Variants in SRGAP3 observed in about 807,000 individuals in gnomAD.
The protein encoded by SRGAP3 is SLIT-ROBO Rho GTPase-activating protein 3.
A neutral mutation model predicts 121.1 loss-of-function variants in SRGAP3; 39 were observed. The observed-to-expected ratio is 0.32, with a 90% CI of 0.25 to 0.42. The LOEUF (loss-of-function observed/expected upper bound fraction) is 0.42, where lower values mean the gene tolerates loss of function less well. SRGAP3 is among the 10% of genes least tolerant of loss of function. The pLI, the probability that SRGAP3 is intolerant of heterozygous loss-of-function variation, is 1.00. For missense variants in SRGAP3, 1,213 were observed against 1,470.6 expected (o/e 0.82, Z 2.86); for synonymous variants, 601 against 570.0 (o/e 1.05, Z -0.77).
chr3:9,046,862 G>A (rs1217741171), intron 10 of SRGAP3, among the ~76,000 whole-genome samples: 1 of 150,062 alleles, frequency 6.7e-6, no homozygotes, highest in Non-Finnish European at 1.5e-5. Flanking sequence ...ATGGAGTCTC[G>A]CTCTGTCGCC....
At chr3:9,255,479 T>A (rs1302245430) in intron 3 of SRGAP3, among the ~76,000 whole-genome samples, 1 of 152,200 alleles carries the variant, frequency 6.6e-6, no homozygotes, top group East Asian at 1.9e-4. Context: ...AGGTTGGCAA[T>A]CCTGGCAAGG....
chr3:9,061,583 CT>C (rs1276991505), intron 5 of SRGAP3, among the ~76,000 whole-genome samples: 1 of 152,152 alleles, frequency 6.6e-6, no homozygotes, highest in Non-Finnish European at 1.5e-5. Context: ...TTTTTCTACC[CT>C]TTTATTTACT....
chr3:9,164,500 G>A (rs1018285572), intron 1 of SRGAP3, among the ~76,000 whole-genome samples: 3 of 151,984 alleles, frequency 2.0e-5, no homozygotes, highest in Non-Finnish European at 4.4e-5. Context: ...ATGTTTGCCA[G>A]GCTGGTCTCG....
At chr3:9,198,508 G>C (rs9312035) in intron 1 of SRGAP3, among the ~76,000 whole-genome samples, 38,160 of 152,108 alleles carry the variant, frequency 0.25, 5,396 homozygotes, top group African/African-American at 0.39. Context: ...AGTAGCCAGT[G>C]CTTGGTTTGG....
At chr3:9,189,090 G>C (rs1229827243) in intron 1 of SRGAP3, among the ~76,000 whole-genome samples, 2 of 152,164 alleles carry the variant, frequency 1.3e-5, no homozygotes, top group African/African-American at 4.8e-5. Context: ...CTGCCATTCA[G>C]AGGAGGACAT....
intron 1 of SRGAP3, among the ~76,000 whole-genome samples, chr3:9,207,391 G>A (rs1952301281): frequency 6.6e-6 from 1 of 152,154 alleles, no homozygotes. Flanking sequence ...CACTGACTCT[G>A]GGCAAGCCAT....
intron 14 of SRGAP3, among the ~76,000 whole-genome samples, chr3:9,023,601 A>G (rs1006705602): frequency 1.3e-5 from 2 of 152,042 alleles, no homozygotes; most frequent in African/African-American, 4.8e-5. Context: ...CTACTCTATC[A>G]TTGCACTGAT....
intron 1 of SRGAP3, among the ~76,000 whole-genome samples, chr3:9,125,161 C>A (rs772960080): frequency 6.6e-6 from 1 of 152,166 alleles, no homozygotes; most frequent in Non-Finnish European, 1.5e-5. Flanking sequence ...CTGCATGTCA[C>A]CACCACGATT....
chr3:9,124,602 G>A, intron 2 of SRGAP3, 123 bp downstream of exon 2: 2 of 1,261,416 alleles, frequency 1.6e-6, no homozygotes, highest in South Asian at 1.2e-5. Flanking sequence ...GCAGAGCCAG[G>A]GCCCTGAAGG....
At chr3:9,166,891 G>A (rs921808876) in intron 1 of SRGAP3, among the ~76,000 whole-genome samples, 1 of 151,966 alleles carries the variant, frequency 6.6e-6, no homozygotes, top group African/African-American at 2.4e-5. Context: ...TCCCTTCTTA[G>A]AACTTACTCA....
In SRGAP3 at chr3:8,983,639, G is replaced by A. The variant is rs913035207; in HGVS notation, c.*1880C>T. On this transcript the variant is annotated 3_prime_UTR_variant, in exon 22 of 22. Transcript: ENST00000383836. ...CACTGCTCACTTCTGAAATGCCATT[G>A]GGAGGTTTCAAAAAGAAGGGCTGGA... 1 of 231,684 alleles carries A rather than the reference G, an allele frequency of 4.3e-6. No individual in the cohort carries two copies. The highest frequency in any genetic ancestry group is 2.2e-5 in the African/African-American group (1 of 45,246). 14.4% of individuals were successfully genotyped at this position (231,684 alleles called of 1,614,324 possible). A position where few individuals can be genotyped will look rare whatever the true frequency, so the allele number is the denominator to read the frequency against.
chr3:9,224,897 A>G (rs1198485263), intron 1 of SRGAP3, among the ~76,000 whole-genome samples: 1 of 152,204 alleles, frequency 6.6e-6, no homozygotes, highest in African/African-American at 2.4e-5. Context: ...CCTGAGAACC[A>G]AAAAGCAGAG....
At chr3:9,360,377 C>A (rs2600178) in intron 1 of SRGAP3, among the ~76,000 whole-genome samples, 109,247 of 152,152 alleles carry the variant, frequency 0.72, 39,746 homozygotes, top group East Asian at 0.98. Flanking sequence ...TATAACCCAT[C>A]AGCCCATTGT....
At chr3:9,332,097 T>C (rs911048874) in intron 1 of SRGAP3, among the ~76,000 whole-genome samples, 2 of 150,472 alleles carry the variant, frequency 1.3e-5, no homozygotes, top group Non-Finnish European at 3.0e-5. Context: ...TTCAATGTGG[T>C]ACAAGCCCTT....
chr3:9,271,317 G>A (rs1282001653), intron 3 of SRGAP3, among the ~76,000 whole-genome samples: 2 of 152,216 alleles, frequency 1.3e-5, no homozygotes, highest in Non-Finnish European at 2.9e-5. Flanking sequence ...CTGGGCAATA[G>A]AGCGAGACCC....
intron 1 of SRGAP3, among the ~76,000 whole-genome samples, chr3:9,174,089 CT>C (rs1322092651): frequency 6.6e-6 from 1 of 152,098 alleles, no homozygotes; most frequent in Non-Finnish European, 1.5e-5. Context: ...GGACAGTATG[CT>C]AAGTGAAATA....
intron 14 of SRGAP3, among the ~76,000 whole-genome samples, chr3:9,016,358 G>A (rs1027619417): frequency 2.6e-5 from 4 of 151,572 alleles, no homozygotes; most frequent in African/African-American, 9.7e-5. Context: ...TTACAATCTC[G>A]GCTCTTTCTG....
At chr3:9,149,213 C>CAAAA (rs548286364) in intron 1 of SRGAP3, among the ~76,000 whole-genome samples, 1 of 56,598 alleles carries the variant, frequency 1.8e-5, no homozygotes, top group Non-Finnish European at 3.8e-5. Flanking sequence ...GACTCCGTCT[C>CAAAA]AAAAAAAAAA....
chr3:9,354,400 C>G (rs985120464), intron 1 of SRGAP3, among the ~76,000 whole-genome samples: 16 of 151,998 alleles, frequency 1.1e-4, no homozygotes, highest in Non-Finnish European at 2.1e-4. Context: ...GGCAAGGAGG[C>G]CGGGCGCGGT....
Sources: allele counts gnomAD v4.1 joint callset (sites outside exome capture counted in the v4.1 genomes callset), GRCh38; gene constraint gnomAD v4.1.1; transcripts MANE v1.5; gene names NCBI Gene and HGNC (gene_info 2026-07-23, HGNC 2026-07-21).